The following FBXL13 variants were observed in gnomAD, a reference collection of about 807,000 sequenced individuals.
FBXL13 encodes F-box and leucine-rich repeat protein 13.
Under a neutral mutation model 83.6 loss-of-function variants are expected in FBXL13, and 67 were observed. The observed-to-expected ratio is 0.80, with a 90% CI of 0.66 to 0.98. The LOEUF (loss-of-function observed/expected upper bound fraction) is 0.98, where lower values mean the gene tolerates loss of function less well. Among genes scored for constraint, FBXL13 ranks in the 50% least tolerant of loss-of-function variants. The probability of loss-of-function intolerance (pLI) is 0.00; values close to 1 mark genes in which losing one functional copy is unlikely to be tolerated. For missense variants in FBXL13, 822 were observed against 866.5 expected, an observed-to-expected ratio of 0.95 and a Z score of 0.64; for synonymous variants, 272 against 299.5, an observed-to-expected ratio of 0.91 and a Z score of 0.95.
At chr7:102,969,404 T>C (rs537745544) in intron 6 of FBXL13, among the ~76,000 whole-genome samples, 187 of 151,212 alleles carry the variant, frequency 1.2e-3, no homozygotes, top group African/African-American at 4.3e-3. Flanking sequence ...GTTCACACAA[T>C]GACAAAAATC....
chr7:102,847,706 T>G (rs1479862566), intron 17 of FBXL13, among the ~76,000 whole-genome samples: 2 of 152,164 alleles, frequency 1.3e-5, no homozygotes, highest in Middle Eastern at 3.4e-3. Context: ...TTTTTGTATT[T>G]TTAGTAGAGA....
chr7:103,016,024 T>C (rs1422954419), intron 6 of FBXL13, among the ~76,000 whole-genome samples: 1 of 151,910 alleles, frequency 6.6e-6, no homozygotes, highest in Non-Finnish European at 1.5e-5. Context: ...CACAAACAAA[T>C]GGATAAACAA....
intron 1 of FBXL13, among the ~76,000 whole-genome samples, chr7:103,058,937 G>A (rs1797597692): frequency 2.0e-5 from 3 of 152,194 alleles, no homozygotes; most frequent in Admixed American, 1.3e-4. Context: ...GGAACTAGCA[G>A]AGTTGAAATG....
chr7:102,895,996 T>G (rs1345294335), intron 11 of FBXL13, among the ~76,000 whole-genome samples: 1 of 152,220 alleles, frequency 6.6e-6, no homozygotes, highest in Non-Finnish European at 1.5e-5. Flanking sequence ...CGAAGATATC[T>G]GTAGAAAGAT....
At chr7:103,046,868 A>C (rs1216796808) in intron 2 of FBXL13, 1 of 152,164 alleles carries the variant, frequency 6.6e-6, no homozygotes, top group Non-Finnish European at 1.5e-5. Flanking sequence ...CTCAGTTGTG[A>C]GATTATGAAC....
At chr7:102,819,462 C>T (rs147452463) in intron 19 of FBXL13, among the ~76,000 whole-genome samples, 1 of 152,246 alleles carries the variant, frequency 6.6e-6, no homozygotes, top group East Asian at 1.9e-4. Flanking sequence ...TTTGCTACTC[C>T]TCTGGTTCAG....
At chr7:102,863,776 C>T (rs1407474777) in intron 16 of FBXL13, among the ~76,000 whole-genome samples, 1 of 152,140 alleles carries the variant, frequency 6.6e-6, no homozygotes, top group Non-Finnish European at 1.5e-5. Flanking sequence ...TCTCCAAGCC[C>T]TAATTGCTCT....
At chr7:102,913,852 C>A (rs1489615244) in intron 10 of FBXL13, among the ~76,000 whole-genome samples, 1 of 152,096 alleles carries the variant, frequency 6.6e-6, no homozygotes, top group Non-Finnish European at 1.5e-5. Context: ...GACCAGTTTG[C>A]AAATAAGCAG....
rs116576850 is a variant in FBXL13 at position 102,971,015 on chromosome 7, A to T, written c.496-2898T>A. On this transcript the variant is annotated intron_variant, in intron 6 of 19. Coordinates refer to ENST00000313221, the Ensembl canonical transcript of FBXL13. ...AGGAGGGAATAAAGAGAATAAAATC[A>T]AAGCAAAATTTAAAAATACCACAGA... Among the ~76,000 whole-genome samples the T allele has an allele frequency of 7.1e-3, 1,084 of 152,340 alleles. 8 individuals carry two copies. The highest frequency in any genetic ancestry group is 0.025 in the African/African-American group (1,022 of 41,566).
intron 8 of FBXL13, among the ~76,000 whole-genome samples, chr7:102,959,401 T>C (rs922671095): frequency 3.9e-5 from 6 of 152,232 alleles, no homozygotes; most frequent in Admixed American, 2.6e-4. Flanking sequence ...TATATGTCAC[T>C]ATATGTGTGT....
At chr7:102,889,410 A>G (rs545617962) in intron 11 of FBXL13, among the ~76,000 whole-genome samples, 1 of 151,754 alleles carries the variant, frequency 6.6e-6, no homozygotes, top group African/African-American at 2.4e-5. Flanking sequence ...TTTGTTTTTA[A>G]TTTTTATTAT....
chr7:102,926,144 T>C, intron 10 of FBXL13, 130 bp downstream of exon 11: 1 of 702,484 alleles, frequency 1.4e-6, no homozygotes, highest in South Asian at 1.9e-5. Context: ...GCAGACCCCT[T>C]ATCAGAAAAG....
At position 103,045,973 on chromosome 7, in the gene FBXL13, C is replaced by A. The variant is rs553383160; in HGVS notation, c.-1+9671G>T. 1.1e-3 allele frequency among the ~76,000 whole-genome samples: 160 copies of A among 152,282 alleles called. 1 individual carries two copies. The highest frequency in any genetic ancestry group is 3.7e-3 in the African/African-American group (154 of 41,550). On this transcript the variant is annotated intron_variant, in intron 2 of 19. Coordinates refer to ENST00000313221, the Ensembl canonical transcript of FBXL13. Reference sequence around the variant, plus strand: ...AGACCATTTGACATTCTAGAGGTGGCTGCATGCAAGATTTAAAACCTTCGA... The same window carrying A: ...AGACCATTTGACATTCTAGAGGTGGATGCATGCAAGATTTAAAACCTTCGA...
At position 103,055,086 on chromosome 7, in the gene FBXL13, A is replaced by C. The variant is rs1008351937; in HGVS notation, c.-1+558T>G. ...TGCGTATTCTTGATTACTAATAATT[A>C]CCAGCTGATCATCCAATTCAAAAAG... is the stretch of plus-strand genomic sequence containing the variant. On this transcript the variant is annotated intron_variant, in intron 2 of 19. Transcript: ENST00000313221. 1 of 1,273,820 alleles carries C rather than the reference A, an allele frequency of 7.9e-7. No individual in the cohort carries two copies. Among genetic ancestry groups the C allele is most frequent in the East Asian group, 5.6e-5 (1 of 17,940 alleles). The allele number at this position is 1,273,820 out of a possible 1,614,324, so 78.9% of individuals were successfully genotyped here.
chr7:102,828,372 C>T (rs1308501394), intron 18 of FBXL13, among the ~76,000 whole-genome samples: 1 of 152,126 alleles, frequency 6.6e-6, no homozygotes, highest in Non-Finnish European at 1.5e-5. Flanking sequence ...TCCTTATGAC[C>T]ATTTCGAAAC....
At chr7:102,958,142 C>T (rs866751928) in intron 8 of FBXL13, among the ~76,000 whole-genome samples, 7 of 152,160 alleles carry the variant, frequency 4.6e-5, no homozygotes, top group African/African-American at 1.7e-4. Flanking sequence ...AACCCAAATG[C>T]CCATCAATGA....
intron 7 of FBXL13, 113 bp from the exon 9 acceptor site, chr7:102,963,778 C>G: frequency 1.0e-6 from 1 of 978,388 alleles, no homozygotes; most frequent in East Asian, 2.8e-5. Flanking sequence ...TTCTGTACAG[C>G]AAAAGAAACT....
chr7:102,883,155 A>G, intron 14 of FBXL13, 150 bp downstream of exon 15: 2 of 649,850 alleles, frequency 3.1e-6, no homozygotes, highest in Non-Finnish European at 4.6e-6. Flanking sequence ...CCTCTTTCTT[A>G]TAACTACAGA....
At position 102,909,426 on chromosome 7, in the gene FBXL13, T is replaced by C. The variant is rs547557376; in HGVS notation, c.1008+3660A>G. ...CGTGCTGGTATCTAAGGTGTAAGAC[T>C]GTCCCCACTGCTTTTCCCTCGCAAG... On this transcript the variant is annotated intron_variant, in intron 11 of 19. Transcript: ENST00000313221. 1.8e-4 allele frequency among the ~76,000 whole-genome samples: 27 copies of C among 152,226 alleles called. 1 individual carries two copies. Among genetic ancestry groups the C allele is most frequent in the Admixed American group, 1.7e-3 (26 of 15,290 alleles).
Sources: gnomAD v4.1 joint callset for allele counts (sites outside exome capture counted in the v4.1 genomes callset) on GRCh38, gnomAD v4.1.1 for gene constraint, MANE v1.5 for transcripts, NCBI Gene and HGNC (gene_info 2026-07-23, HGNC 2026-07-21) for gene names.